The following LONRF2 variants were observed in gnomAD, a reference collection of about 807,000 sequenced individuals.
LONRF2 encodes LON peptidase N-terminal domain and ring finger 2.
A neutral mutation model predicts 66.6 loss-of-function variants in LONRF2; 35 were observed. The observed-to-expected ratio is 0.53, with a 90% CI of 0.40 to 0.70. The LOEUF (loss-of-function observed/expected upper bound fraction) is 0.70, where lower values mean the gene tolerates loss of function less well. LONRF2 is among the 30% of genes least tolerant of loss of function. LONRF2 has a pLI of 0.00. For synonymous variants in LONRF2, 417 were observed against 418.1 expected (o/e 1.00, Z 0.03); for missense variants, 902 against 1,002.1 (o/e 0.90, Z 1.35).
chr2:100,285,570 C>T (rs13024601), intron 11 of LONRF2, among the ~76,000 whole-genome samples: 94,939 of 152,002 alleles, frequency 0.62, 30,208 homozygotes, highest in East Asian at 0.94. Flanking sequence ...CAGTTAAGGA[C>T]TTTGGGATGG....
At chr2:100,305,446 T>C (rs1675272385) in intron 2 of LONRF2, among the ~76,000 whole-genome samples, 1 of 152,192 alleles carries the variant, frequency 6.6e-6, no homozygotes, top group Non-Finnish European at 1.5e-5. Context: ...CTCCAGAACA[T>C]TGGCAGCCAC....
chr2:100,314,440 A>G (rs1208851598), intron 1 of LONRF2, among the ~76,000 whole-genome samples: 1 of 152,084 alleles, frequency 6.6e-6, no homozygotes, highest in Non-Finnish European at 1.5e-5. Flanking sequence ...TGTTTCTATC[A>G]ATGGTGTTAA....
At chr2:100,292,094 C>T (rs2105718687) in intron 9 of LONRF2, among the ~76,000 whole-genome samples, 1 of 152,288 alleles carries the variant, frequency 6.6e-6, no homozygotes, top group Non-Finnish European at 1.5e-5. Context: ...ACCTGGATGC[C>T]TCTACTTATA....
rs117247179 is a variant in LONRF2, at chr2:100,295,690, C to T, written c.1477-137G>A. Reference sequence around the variant, plus strand: ...GAAGGAAAAGGGATGGAGAGAGAGGCGGGCCAGCCTGTAACAAGAGCAGGG... The same window carrying T: ...GAAGGAAAAGGGATGGAGAGAGAGGTGGGCCAGCCTGTAACAAGAGCAGGG... On this transcript the variant is annotated intron_variant, in intron 7 of 11. Transcript: ENST00000393437. 2.1e-3 allele frequency: 1,649 copies of T among 767,614 alleles called. 18 individuals carry two copies. The East Asian group carries it at 0.034, about 16-fold the overall frequency. The allele number at this position is 767,614 out of a possible 1,614,324, so 47.6% of individuals were successfully genotyped here. A position where few individuals can be genotyped will look rare whatever the true frequency, so the allele number is the denominator to read the frequency against.
At chr2:100,316,124 C>T (rs527278921) in intron 1 of LONRF2, among the ~76,000 whole-genome samples, 36 of 151,900 alleles carry the variant, frequency 2.4e-4, no homozygotes, top group African/African-American at 8.7e-4. Flanking sequence ...TCGAGAGCAT[C>T]CTGGCTAACA....
At position 100,321,460 on chromosome 2, in the gene LONRF2, G is replaced by T; in HGVS notation, c.634C>A (p.Gln212Lys). 1 of 1,500,850 alleles carries T rather than the reference G, an allele frequency of 6.7e-7. No individual in the cohort carries two copies. Among genetic ancestry groups the T allele is most frequent in the Non-Finnish European group, 8.8e-7 (1 of 1,136,142 alleles). The allele number at this position is 1,500,850 out of a possible 1,614,324, so 93.0% of individuals were successfully genotyped here. A position where few individuals can be genotyped will look rare whatever the true frequency, so the allele number is the denominator to read the frequency against. Reference protein sequence around the residue: ...GQARSLQRQQQPEAALLRCDQ... With the variant: ...GQARSLQRQQKPEAALLRCDQ... ...CACCTGAGCAGCGCGGCCTCCGGCT[G>T]CTGCTGGCGCTGCAGGCTCCGCGCC... is the stretch of plus-strand genomic sequence containing the variant. Residue 212 changes from glutamine (Q) to lysine (K), a missense_variant, in exon 1 of 12, where the codon CAG (glutamine) becomes AAG (lysine). Transcript: ENST00000393437.
intron 11 of LONRF2, among the ~76,000 whole-genome samples, chr2:100,285,667 C>G (rs951374977): frequency 6.6e-6 from 1 of 152,012 alleles, no homozygotes. Context: ...GAAGAACGGT[C>G]GGAGAGAAGC....
At position 100,284,499 on chromosome 2, in the gene LONRF2, A is replaced by G; in HGVS notation, c.2071-7T>C. On this transcript the variant is annotated splice_polypyrimidine_tract_variant and splice_region_variant and intron_variant, in intron 11 of 11. Transcript: ENST00000393437. The stretch of plus-strand genomic sequence containing the variant: ...CAGGGCCGCTGGGATTACTCTGCAA[A>G]AGAGATGAGGGGAAAGCAAGGTTAA... The G allele has an allele frequency of 6.4e-7, 1 of 1,555,770 alleles. No individual in the cohort carries two copies. Among genetic ancestry groups the G allele is most frequent in the Non-Finnish European group, 8.7e-7 (1 of 1,150,200 alleles).
rs190164003 is a variant in LONRF2 at position 100,277,465 on chromosome 2, G to C, written c.*6833C>G. On this transcript the variant is annotated 3_prime_UTR_variant, in exon 12 of 12. Transcript: ENST00000393437. ...TAACACAGGACAGAGTCAAGCCTGG[G>C]CCCTCTGGTGTATTCTACCCACAGG... The C allele has an allele frequency of 4.8e-4, 73 of 152,306 alleles. No homozygotes were observed. Among genetic ancestry groups the C allele is most frequent in the Admixed American group, 4.1e-3 (63 of 15,298 alleles). 9.4% of individuals were successfully genotyped at this position (152,306 alleles called of 1,614,324 possible).
intron 1 of LONRF2, among the ~76,000 whole-genome samples, chr2:100,315,122 A>T (rs1340459482): frequency 6.6e-6 from 1 of 152,222 alleles, no homozygotes; most frequent in Non-Finnish European, 1.5e-5. Context: ...AATTTCTCTC[A>T]GAAATGTTTC....
rs1224885689 is a variant in LONRF2 at position 100,321,682 on chromosome 2, G to C, written c.412C>G (p.Arg138Gly). ...CAGCGCGGGCAGCCGAGCAGGTCGC[G>C]GGGCGCGCGGGGCTCCGGGGCCGGC... ...GGPAPEPRAP[R>G]DLLGCPRCRR... is the part of the protein sequence containing the mutation. Residue 138 changes from arginine (R) to glycine (G), a missense_variant, in exon 1 of 12, where the codon CGC becomes GGC. Arg to Gly is a moderately radical substitution (Grantham distance 125). This residue lies in a region of LONRF2 where 585 missense variants were observed against 569.9 expected (regional missense o/e 1.03). Coordinates refer to ENST00000393437, the MANE Select transcript of LONRF2 (RefSeq NM_198461.4). The C allele has an allele frequency of 8.0e-7, 1 of 1,247,024 alleles. No individual in the cohort carries two copies. Among genetic ancestry groups the C allele is most frequent in the Non-Finnish European group, 1.0e-6 (1 of 999,750 alleles). 77.2% of individuals were successfully genotyped at this position (1,247,024 alleles called of 1,614,324 possible).
Position 100,303,054 on chromosome 2 carries a change from C to T in LONRF2, c.799-11G>A, listed in dbSNP as rs367749094. 5.7e-6 allele frequency: 9 copies of T among 1,573,732 alleles called. No individual in the cohort carries two copies. Among genetic ancestry groups the T allele is most frequent in the Non-Finnish European group, 6.9e-6 (8 of 1,159,996 alleles). On this transcript the variant is annotated splice_polypyrimidine_tract_variant and intron_variant, in intron 2 of 11. Coordinates refer to ENST00000393437, the MANE Select transcript of LONRF2 (RefSeq NM_198461.4). ...TTTTACTTGATGTCCCTAGATTCAC[C>T]GAAGACAAAGTGTACATTTTTAAAA...
At chr2:100,290,523 A>G in intron 9 of LONRF2, 103 bp from the exon 10 acceptor site, 2 of 1,193,956 alleles carry the variant, frequency 1.7e-6, no homozygotes, top group Non-Finnish European at 2.3e-6. Flanking sequence ...AAAGCCACAC[A>G]AAACAGTGTC....
intron 1 of LONRF2, among the ~76,000 whole-genome samples, chr2:100,320,692 G>A (rs1391101578): frequency 6.6e-6 from 1 of 152,152 alleles, no homozygotes; most frequent in Non-Finnish European, 1.5e-5. Context: ...CCAATAGAGC[G>A]CATACTCATA....
rs905145268 is a variant in LONRF2, at chr2:100,278,270, T to C, written c.*6028A>G. The stretch of plus-strand genomic sequence containing the variant: ...CATAAAAAGAGGGCTATGTCTTGCA[T>C]TCTTGTATATAAAAGCTCATTACAT... On this transcript the variant is annotated 3_prime_UTR_variant, in exon 12 of 12. Coordinates refer to ENST00000393437, the MANE Select transcript of LONRF2 (RefSeq NM_198461.4). 5 of 152,172 alleles carry C rather than the reference T, an allele frequency of 3.3e-5. No individual in the cohort carries two copies. Among genetic ancestry groups the C allele is most frequent in the Non-Finnish European group, 7.3e-5 (5 of 68,036 alleles). 9.4% of individuals were successfully genotyped at this position (152,172 alleles called of 1,614,324 possible).
chr2:100,296,584 T>C (rs1303088813), intron 7 of LONRF2, among the ~76,000 whole-genome samples: 2 of 152,116 alleles, frequency 1.3e-5, no homozygotes, highest in Non-Finnish European at 2.9e-5. Flanking sequence ...TTCCTTGTGG[T>C]TGGTGTGAAA....
At chr2:100,303,225 C>G (rs1398561491) in intron 2 of LONRF2, among the ~76,000 whole-genome samples, 182 bp from the exon 3 acceptor site, 2 of 152,240 alleles carry the variant, frequency 1.3e-5, no homozygotes, top group Non-Finnish European at 2.9e-5. Flanking sequence ...ACTTAGCAAA[C>G]TTCAATAGCT....
chr2:100,317,768 T>C (rs1675536804), intron 1 of LONRF2, among the ~76,000 whole-genome samples: 1 of 152,186 alleles, frequency 6.6e-6, no homozygotes, highest in Non-Finnish European at 1.5e-5. Context: ...TTTAAAGACA[T>C]TATTCCATTA....
intron 1 of LONRF2, among the ~76,000 whole-genome samples, chr2:100,314,202 T>C (rs1267735872): frequency 6.6e-6 from 1 of 152,324 alleles, no homozygotes. Context: ...TAAGTTGTTG[T>C]ACAAACTTAT....
Sources: allele counts gnomAD v4.1 joint callset (sites outside exome capture counted in the v4.1 genomes callset), GRCh38; gene constraint gnomAD v4.1.1; regional missense constraint gnomAD v4.1.1; transcripts MANE v1.5; gene names NCBI Gene and HGNC (gene_info 2026-07-23, HGNC 2026-07-21).